The following MTUS2 variants were observed in gnomAD, a reference collection of about 807,000 sequenced individuals.
The protein encoded by MTUS2 is microtubule associated scaffold protein 2.
MTUS2 carries 40 observed loss-of-function variants against 114.1 expected under a neutral mutation model. The observed-to-expected ratio is 0.35, with a 90% CI of 0.27 to 0.46. MTUS2 has a LOEUF of 0.46. Among genes scored for constraint, MTUS2 ranks in the 20% least tolerant of loss-of-function variants. The pLI is 1.00. For synonymous variants in MTUS2, 688 were observed against 672.0 expected (o/e 1.02, Z -0.37); for missense variants, 1,679 against 1,705.4 (o/e 0.98, Z 0.27).
chr13:29,316,851 T>C (rs1900011707), intron 6 of MTUS2, among the ~76,000 whole-genome samples: 1 of 152,228 alleles, frequency 6.6e-6, no homozygotes, highest in Non-Finnish European at 1.5e-5. Context: ...CATCTGCTGT[T>C]TATAAATGCT....
At chr13:29,485,105 G>A (rs927131769) in intron 10 of MTUS2, 1 of 152,842 alleles carries the variant, frequency 6.5e-6, no homozygotes, top group Non-Finnish European at 1.5e-5. Context: ...AAATGGAAGA[G>A]AAGGATGCTT....
intron 5 of MTUS2, among the ~76,000 whole-genome samples, chr13:29,162,386 A>C (rs1893135430): frequency 1.3e-5 from 2 of 152,184 alleles, no homozygotes; most frequent in African/African-American, 4.8e-5. Context: ...TCTTAGATGC[A>C]GGACTCTTTT....
chr13:29,079,464 T>C (rs1439465397), intron 4 of MTUS2, among the ~76,000 whole-genome samples: 3 of 152,200 alleles, frequency 2.0e-5, no homozygotes, highest in Admixed American at 1.3e-4. Flanking sequence ...ATGCTTTTCA[T>C]GTCATAGCTA....
intron 2 of MTUS2, among the ~76,000 whole-genome samples, chr13:28,841,455 G>A (rs954724859): frequency 6.6e-6 from 1 of 152,138 alleles, no homozygotes; most frequent in South Asian, 2.1e-4. Flanking sequence ...TGGAGCGGCC[G>A]GAAGGTTGGT....
In MTUS2 at chr13:29,219,425, A is replaced by G. The variant is rs543479671; in HGVS notation, c.2645-62279A>G. The stretch of plus-strand genomic sequence containing the variant: ...CTTTGCTATTGTGAATAATGCCGCA[A>G]TAAACATACGTGTGCATGTGTGTTT... On this transcript the variant is annotated intron_variant, in intron 5 of 15. Transcript: ENST00000612955. Among the ~76,000 whole-genome samples the G allele has an allele frequency of 5.3e-5, 8 of 151,836 alleles. No homozygotes were observed. In the South Asian group the frequency reaches 6.3e-4, roughly 12 times the overall value.
intron 5 of MTUS2, among the ~76,000 whole-genome samples, chr13:29,105,798 G>A (rs978297054): frequency 1.9e-5 from 2 of 103,074 alleles, no homozygotes; most frequent in Non-Finnish European, 4.6e-5. Context: ...GTCATGAAGT[G>A]GAGGGTTAAT....
intron 2 of MTUS2, among the ~76,000 whole-genome samples, chr13:28,946,135 C>G (rs753321451): frequency 3.9e-5 from 6 of 152,134 alleles, no homozygotes; most frequent in Non-Finnish European, 5.9e-5. Flanking sequence ...GGAAAAAGTT[C>G]TCTTACTGAC....
intron 2 of MTUS2, among the ~76,000 whole-genome samples, chr13:29,021,673 A>G (rs1566297893): frequency 6.6e-6 from 1 of 152,208 alleles, no homozygotes; most frequent in Non-Finnish European, 1.5e-5. Flanking sequence ...TTGACTTTGC[A>G]AGATACCCGT....
At chr13:29,156,374 C>G (rs1173855456) in intron 5 of MTUS2, among the ~76,000 whole-genome samples, 1 of 152,018 alleles carries the variant, frequency 6.6e-6, no homozygotes, top group East Asian at 1.9e-4. Context: ...ATAAAAATAG[C>G]TTTATCTATA....
In MTUS2 at chr13:29,117,384, G is replaced by A. The variant is rs547643598; in HGVS notation, c.2644+16414G>A. Among the ~76,000 whole-genome samples the A allele has an allele frequency of 2.0e-5, 3 of 152,290 alleles. No homozygotes were observed. The East Asian group carries it at 5.8e-4, about 29-fold the overall frequency. ...TGTGCATGAGGACAGAGGGCCACCA[G>A]CAGCTTCAAGAGCTGCCCTCCTCCA... On this transcript the variant is annotated intron_variant, in intron 5 of 15. Transcript: ENST00000612955.
intron 2 of MTUS2, among the ~76,000 whole-genome samples, chr13:28,903,670 A>T (rs1033515109): frequency 1.3e-5 from 2 of 151,600 alleles, no homozygotes; most frequent in Admixed American, 6.6e-5. Flanking sequence ...TCATTGTTGG[A>T]CATTTGGGTT....
At chr13:29,072,688 T>A (rs535073250) in intron 4 of MTUS2, among the ~76,000 whole-genome samples, 5 of 152,314 alleles carry the variant, frequency 3.3e-5, no homozygotes, top group Non-Finnish European at 7.4e-5. Flanking sequence ...TTAATTTGCT[T>A]TTGGACCTCT....
chr13:29,057,662 C>T (rs1888201529), intron 4 of MTUS2, among the ~76,000 whole-genome samples: 1 of 152,062 alleles, frequency 6.6e-6, no homozygotes, highest in Non-Finnish European at 1.5e-5. Context: ...GATTTTTCTT[C>T]CTCTCTTTAC....
intron 5 of MTUS2, among the ~76,000 whole-genome samples, chr13:29,266,494 G>A (rs1313551472): frequency 6.6e-6 from 1 of 152,160 alleles, no homozygotes; most frequent in African/African-American, 2.4e-5. Context: ...GGAAAGAGTA[G>A]TGGTGCTTTG....
chr13:29,020,857 A>G (rs998756205), intron 2 of MTUS2, among the ~76,000 whole-genome samples: 5 of 152,144 alleles, frequency 3.3e-5, no homozygotes, highest in African/African-American at 7.2e-5. Flanking sequence ...GGAAAAAAAA[A>G]AAAGCAAGGG....
chr13:29,432,102 C>T (rs1017428191), intron 8 of MTUS2, among the ~76,000 whole-genome samples: 1 of 151,510 alleles, frequency 6.6e-6, no homozygotes, highest in African/African-American at 2.4e-5. Flanking sequence ...ATCCACCCAC[C>T]TCGGCCACCC....
At chr13:29,142,831 G>A (rs1362200020) in intron 5 of MTUS2, among the ~76,000 whole-genome samples, 1 of 152,218 alleles carries the variant, frequency 6.6e-6, no homozygotes, top group African/African-American at 2.4e-5. Context: ...GGGTAGGGCA[G>A]TTGAGTTGTC....
At chr13:29,019,287 T>A (rs898518106) in intron 2 of MTUS2, among the ~76,000 whole-genome samples, 4 of 152,112 alleles carry the variant, frequency 2.6e-5, no homozygotes, top group African/African-American at 9.7e-5. Flanking sequence ...CATTGCGGGA[T>A]CACATCCTTT....
chr13:29,115,023 G>A (rs2138878772), intron 5 of MTUS2, among the ~76,000 whole-genome samples: 1 of 152,324 alleles, frequency 6.6e-6, no homozygotes, highest in South Asian at 2.1e-4. Flanking sequence ...ATATTCTTGA[G>A]CCAGAGCCAC....
Sources: gnomAD v4.1 joint callset for allele counts (sites outside exome capture counted in the v4.1 genomes callset) on GRCh38, gnomAD v4.1.1 for gene constraint, MANE v1.5 for transcripts, NCBI Gene and HGNC (gene_info 2026-07-23, HGNC 2026-07-21) for gene names.